The following DPH6 variants were observed in gnomAD, a reference collection of about 807,000 sequenced individuals.
The protein encoded by DPH6 is diphthine--ammonia ligase.
A neutral mutation model predicts 38.2 loss-of-function variants in DPH6; 33 were observed. That is an observed-to-expected ratio of 0.86 (90% confidence interval 0.65 to 1.15). DPH6 has a LOEUF of 1.15. Ranked by LOEUF, DPH6 falls within the 50% of genes most tolerant of loss-of-function variation. DPH6 has a pLI of 0.00. For synonymous variants in DPH6, 108 were observed against 103.0 expected (o/e 1.05, Z -0.30); for missense variants, 325 against 320.0 (o/e 1.02, Z -0.12).
intron 3 of DPH6, among the ~76,000 whole-genome samples, chr15:35,503,636 G>A (rs1595424320): frequency 6.6e-6 from 1 of 152,004 alleles, no homozygotes; most frequent in East Asian, 1.9e-4. Context: ...CCTGGATCTT[G>A]TTCAATTGAT....
chr15:35,145,071 CTTCAT>C, the DPH6 span, among the ~76,000 whole-genome samples: 1 of 152,084 alleles, frequency 6.6e-6, no homozygotes, highest in South Asian at 2.1e-4. Flanking sequence ...TTAATTACAT[CTTCAT>C]TTCTTTTCTT....
At chr15:35,191,336 C>T in the DPH6 span, among the ~76,000 whole-genome samples, 6 of 152,166 alleles carry the variant, frequency 3.9e-5, no homozygotes, top group Admixed American at 6.5e-5. Context: ...CTTTAAGTAG[C>T]ATCTTCGGAA....
rs747286069 is a variant in DPH6 at position 35,287,594 on chromosome 15, A to G, written n.201-67012T>C. On this transcript the variant is annotated intron_variant and non_coding_transcript_variant, in intron 3 of 3. Transcript: ENST00000560386. ...TAGTTTTCATAAAACCTAATTCTAC[A>G]ATTATAACCATCTGAGAAAATGAAT... Among the ~76,000 whole-genome samples the G allele has an allele frequency of 3.7e-4, 56 of 152,316 alleles. 1 individual carries two copies. Among genetic ancestry groups the G allele is most frequent in the South Asian group, 2.5e-3 (12 of 4,830 alleles).
intron 1 of DPH6, among the ~76,000 whole-genome samples, chr15:35,544,766 G>C (rs2055319045): frequency 6.6e-6 from 1 of 152,096 alleles, no homozygotes; most frequent in African/African-American, 2.4e-5. Context: ...GCACATTACA[G>C]GTTATTTAGT....
In DPH6 at chr15:35,377,497, C is replaced by G. The variant is rs538888625; in HGVS notation, c.663-3889G>C. ...AAAATGACTACTTTCATTAACACTA[C>G]CTTAAGATTTTAGTTATGAATATAC... On this transcript the variant is annotated intron_variant, in intron 7 of 8. Transcript: ENST00000256538. 2.0e-5 allele frequency among the ~76,000 whole-genome samples: 3 copies of G among 152,168 alleles called. No individual in the cohort carries two copies. In the South Asian group the frequency reaches 6.2e-4, roughly 32 times the overall value.
intron 3 of DPH6, among the ~76,000 whole-genome samples, chr15:35,314,099 CAA>C (rs35052950): frequency 1.8e-4 from 21 of 116,742 alleles, no homozygotes; most frequent in Admixed American, 8.6e-5. Flanking sequence ...AACTCAATAG[CAA>C]AAAAAAAAAA....
In DPH6 at chr15:35,410,866, G is replaced by A. The variant is rs1316183542; in HGVS notation, c.536C>T (p.Thr179Ile). ...GLDPDKHLGK[T>I]LDQMEPYLIE... ...GAGATAAGGCTCCATTTGATCCAGG[G>A]TTTTCCCAAGATGCTTATCAGGATC... is the stretch of plus-strand genomic sequence containing the variant. The change falls in exon 6 of 9, where the codon ACC (threonine) becomes ATC (isoleucine). Residue 179 changes from threonine (T) to isoleucine (I), a missense_variant. Thr to Ile is a moderately conservative substitution (Grantham distance 89). Coordinates refer to ENST00000256538, the MANE Select transcript of DPH6 (RefSeq NM_080650.4). 7 of 1,603,212 alleles carry A rather than the reference G, an allele frequency of 4.4e-6. No homozygotes were observed. In the African/African-American group the frequency reaches 9.5e-5, roughly 22 times the overall value.
At chr15:35,292,905 C>T (rs576151767) in intron 3 of DPH6, among the ~76,000 whole-genome samples, 2 of 151,938 alleles carry the variant, frequency 1.3e-5, no homozygotes, top group Non-Finnish European at 2.9e-5. Flanking sequence ...ATTATTTTGC[C>T]TCCTAAAAAC....
chr15:35,342,812 ATAATTT>A (rs1204925836), intron 3 of DPH6, among the ~76,000 whole-genome samples: 1 of 152,192 alleles, frequency 6.6e-6, no homozygotes, highest in African/African-American at 2.4e-5. Context: ...GTTTTTCTTT[ATAATTT>A]TAAGAGGAGG....
intron 3 of DPH6, among the ~76,000 whole-genome samples, chr15:35,278,136 C>A (rs2051871403): frequency 6.6e-6 from 1 of 152,092 alleles, no homozygotes; most frequent in Non-Finnish European, 1.5e-5. Context: ...CTGAGGCAGC[C>A]CCTCATATCA....
At chr15:35,360,169 A>T (rs879128959) in intron 3 of DPH6, among the ~76,000 whole-genome samples, 1 of 152,126 alleles carries the variant, frequency 6.6e-6, no homozygotes, top group Non-Finnish European at 1.5e-5. Context: ...GCAGGTAAAA[A>T]ACTTCTCCTG....
At chr15:35,469,072 A>AAACAAC (rs10649323) in intron 3 of DPH6, among the ~76,000 whole-genome samples, 3,015 of 149,140 alleles carry the variant, frequency 0.02, 96 homozygotes, top group African/African-American at 0.07. Context: ...CTCTGCTTCA[A>AAACAAC]AACAACAACA....
intron 3 of DPH6, among the ~76,000 whole-genome samples, chr15:35,290,720 T>C (rs2051974651): frequency 6.6e-6 from 1 of 152,140 alleles, no homozygotes; most frequent in South Asian, 2.1e-4. Context: ...TCCCCCTTTC[T>C]GCCACTTAAA....
At chr15:35,378,739 A>G (rs1236340214) in intron 7 of DPH6, among the ~76,000 whole-genome samples, 1 of 150,858 alleles carries the variant, frequency 6.6e-6, no homozygotes, top group Admixed American at 6.6e-5. Context: ...AAAACCAAAC[A>G]CTGCATGTTC....
chr15:35,436,509 C>CCAAAAAAAAAAA, intron 5 of DPH6, among the ~76,000 whole-genome samples: 1 of 107,580 alleles, frequency 9.3e-6, no homozygotes, highest in Admixed American at 8.9e-5. Flanking sequence ...CAAAACAAAA[C>CCAAAAAAAAAAA]AAAACAAAAA....
chr15:35,397,877 A>ACGCG (rs2053164780), intron 6 of DPH6, among the ~76,000 whole-genome samples: 1 of 148,816 alleles, frequency 6.7e-6, no homozygotes. Flanking sequence ...ATACACACAC[A>ACGCG]CACACACACA....
intron 3 of DPH6, among the ~76,000 whole-genome samples, chr15:35,468,261 A>G (rs2054152664): frequency 6.6e-6 from 1 of 152,198 alleles, no homozygotes; most frequent in Non-Finnish European, 1.5e-5. Context: ...TTTACAGAAG[A>G]GAAAGAGGTC....
intron 3 of DPH6, among the ~76,000 whole-genome samples, chr15:35,227,880 C>T (rs977840067): frequency 1.3e-5 from 2 of 151,986 alleles, no homozygotes; most frequent in African/African-American, 4.8e-5. Flanking sequence ...TCCTTATTGA[C>T]CCATTGATCA....
chr15:35,185,654 C>G, the DPH6 span, among the ~76,000 whole-genome samples: 1 of 150,160 alleles, frequency 6.7e-6, no homozygotes, highest in Non-Finnish European at 1.5e-5. Flanking sequence ...AATTTTCGAG[C>G]GTAGAAGGTA....
Sources: allele counts gnomAD v4.1 joint callset (sites outside exome capture counted in the v4.1 genomes callset), GRCh38; gene constraint gnomAD v4.1.1; transcripts MANE v1.5; gene names NCBI Gene and HGNC (gene_info 2026-07-23, HGNC 2026-07-21).